SEMA6D: variants seen among roughly 807,000 people sequenced by gnomAD.
SEMA6D encodes the protein semaphorin 6D.
SEMA6D carries 35 observed loss-of-function variants against 106.6 expected under a neutral mutation model. The observed-to-expected ratio is 0.33, with a 90% CI of 0.25 to 0.44. SEMA6D has a LOEUF of 0.44. SEMA6D is among the 20% of genes least tolerant of loss of function. The pLI, the probability that SEMA6D is intolerant of heterozygous loss-of-function variation, is 1.00. For missense variants in SEMA6D, 1,185 were observed against 1,345.9 expected (o/e 0.88, Z 1.87); for synonymous variants, 499 against 487.7 (o/e 1.02, Z -0.31).
In SEMA6D at chr15:47,771,419, A is replaced by C; in HGVS notation, c.2856A>C (p.Gly952=). The change falls in exon 19 of 19, where the codon GGA becomes GGC. Residue 952 remains glycine, a synonymous_variant. Transcript: ENST00000536845. ...GAGTGGATGTCCCCACCACTCCTGG[A>C]GTCCCAATGACTTCTCTGGAAAGAC... is the stretch of plus-strand genomic sequence containing the variant. ...TKRVDVPTTP[G]VPMTSLERQR... 1 of 1,614,132 alleles carries C rather than the reference A, an allele frequency of 6.2e-7. No homozygotes were observed. The highest frequency in any genetic ancestry group is 8.5e-7 in the Non-Finnish European group (1 of 1,180,002).
intron 1 of SEMA6D, among the ~76,000 whole-genome samples, chr15:47,228,149 C>T (rs1487340987): frequency 2.6e-5 from 3 of 116,020 alleles, no homozygotes; most frequent in African/African-American, 1.2e-4. Flanking sequence ...CACACACACA[C>T]ACACACACAC....
At chr15:47,678,649 CTT>C (rs914776849) in intron 4 of SEMA6D, among the ~76,000 whole-genome samples, 2 of 144,372 alleles carry the variant, frequency 1.4e-5, no homozygotes, top group Non-Finnish European at 1.5e-5. Flanking sequence ...TTATCCTAAC[CTT>C]TTTTTTTTTT....
intron 2 of SEMA6D, among the ~76,000 whole-genome samples, chr15:47,440,011 G>A (rs1287767435): frequency 1.3e-5 from 2 of 152,140 alleles, no homozygotes; most frequent in African/African-American, 4.8e-5. Flanking sequence ...TTTAGGTTGA[G>A]TTCGGAAGGT....
chr15:47,508,751 T>A (rs2141735100), intron 3 of SEMA6D, among the ~76,000 whole-genome samples: 1 of 152,366 alleles, frequency 6.6e-6, no homozygotes, highest in African/African-American at 2.4e-5. Context: ...ACTGCATAAA[T>A]GCTGATTCTT....
At chr15:47,363,015 TAGAA>T (rs1049313566) in intron 1 of SEMA6D, among the ~76,000 whole-genome samples, 1 of 151,994 alleles carries the variant, frequency 6.6e-6, no homozygotes, top group African/African-American at 2.4e-5. Context: ...CAAGTTTAAT[TAGAA>T]AGAAAAAGTC....
rs114066719 is a variant in SEMA6D at position 47,594,480 on chromosome 15, T to C, written c.-86-6385T>C. Among the ~76,000 whole-genome samples the C allele has an allele frequency of 4.1e-3, 631 of 152,348 alleles. 1 individual carries two copies. The highest frequency in any genetic ancestry group is 0.014 in the African/African-American group (596 of 41,582). ...AGTAGGTAGTTCATGACAATCATTA[T>C]ATCATTGAGAGAATTTGCAGGAGAC... On this transcript the variant is annotated intron_variant, in intron 3 of 19. Transcript: ENST00000558014.
intron 4 of SEMA6D, among the ~76,000 whole-genome samples, chr15:47,679,042 C>T (rs1046510895): frequency 1.3e-5 from 2 of 152,288 alleles, no homozygotes; most frequent in East Asian, 3.9e-4. Context: ...TACATTTAGA[C>T]TCTTCAAAAT....
chr15:47,741,544 T>C (rs75693842), intron 1 of SEMA6D, among the ~76,000 whole-genome samples: 1 of 152,020 alleles, frequency 6.6e-6, no homozygotes, highest in Admixed American at 6.6e-5. Context: ...TGGAGAAACC[T>C]CGTCTCTACT....
At chr15:47,725,063 A>G (rs528168797) in intron 1 of SEMA6D, among the ~76,000 whole-genome samples, 2 of 152,324 alleles carry the variant, frequency 1.3e-5, no homozygotes, top group Non-Finnish European at 2.9e-5. Context: ...TGTAGATTCT[A>G]AAATAAAGAA....
chr15:47,496,812 T>C (rs907236573), intron 3 of SEMA6D, among the ~76,000 whole-genome samples: 5 of 152,026 alleles, frequency 3.3e-5, no homozygotes, highest in Non-Finnish European at 7.4e-5. Flanking sequence ...TTCACTCCTC[T>C]CATCTAGCTG....
intron 1 of SEMA6D, among the ~76,000 whole-genome samples, chr15:47,344,247 T>G (rs2037951267): frequency 6.6e-6 from 1 of 152,182 alleles, no homozygotes; most frequent in South Asian, 2.1e-4. Context: ...GTTATCAGTA[T>G]AGCTGCCATT....
At chr15:47,301,367 T>C (rs2036010229) in intron 1 of SEMA6D, among the ~76,000 whole-genome samples, 2 of 150,136 alleles carry the variant, frequency 1.3e-5, no homozygotes. Flanking sequence ...GACTATCTAC[T>C]GTCAGAAACT....
At chr15:47,662,346 G>A (rs987180682) in intron 4 of SEMA6D, among the ~76,000 whole-genome samples, 2 of 152,096 alleles carry the variant, frequency 1.3e-5, no homozygotes, top group Non-Finnish European at 1.5e-5. Context: ...AATGACAATG[G>A]CAAATCCATT....
At chr15:47,292,677 C>G (rs1324693466) in intron 1 of SEMA6D, among the ~76,000 whole-genome samples, 1 of 152,134 alleles carries the variant, frequency 6.6e-6, no homozygotes, top group Admixed American at 6.5e-5. Context: ...GTGATAAGGG[C>G]AAACGTTAGC....
At chr15:47,491,243 A>G (rs961172944) in intron 3 of SEMA6D, among the ~76,000 whole-genome samples, 5 of 152,166 alleles carry the variant, frequency 3.3e-5, no homozygotes, top group Admixed American at 1.3e-4. Context: ...ACTAGAAACA[A>G]CCAAGATGAT....
chr15:47,454,992 C>A (rs928005694), intron 2 of SEMA6D, among the ~76,000 whole-genome samples: 2 of 151,860 alleles, frequency 1.3e-5, no homozygotes, highest in African/African-American at 4.8e-5. Flanking sequence ...ATACCTACAT[C>A]AAGGGAGTGG....
At chr15:47,749,041 T>G (rs1247057156) in intron 1 of SEMA6D, among the ~76,000 whole-genome samples, 1 of 137,914 alleles carries the variant, frequency 7.3e-6, no homozygotes, top group African/African-American at 2.6e-5. Context: ...TGAAAAAAAA[T>G]AGCAATAACA....
intron 1 of SEMA6D, among the ~76,000 whole-genome samples, chr15:47,272,427 A>G (rs1447533723): frequency 6.6e-6 from 1 of 152,200 alleles, no homozygotes; most frequent in Non-Finnish European, 1.5e-5. Context: ...AGAGTGTGCT[A>G]TATATAGATG....
intron 2 of SEMA6D, among the ~76,000 whole-genome samples, chr15:47,466,854 G>T (rs2141111903): frequency 6.7e-6 from 1 of 149,138 alleles, no homozygotes; most frequent in Non-Finnish European, 1.5e-5. Context: ...AGCCTCCCTA[G>T]TAGCTGGGAT....
Sources: gnomAD v4.1 joint callset for allele counts (sites outside exome capture counted in the v4.1 genomes callset) on GRCh38, gnomAD v4.1.1 for gene constraint, MANE v1.5 for transcripts, NCBI Gene and HGNC (gene_info 2026-07-23, HGNC 2026-07-21) for gene names.